CHCHD6: variants seen among roughly 807,000 people sequenced by gnomAD.
CHCHD6 encodes coiled-coil-helix-coiled-coil-helix domain containing 6.
A neutral mutation model predicts 32.3 loss-of-function variants in CHCHD6; 28 were observed. That is an observed-to-expected ratio of 0.87 (90% CI 0.64 to 1.19). CHCHD6 has a LOEUF of 1.19. Among genes scored for constraint, CHCHD6 ranks in the 50% most tolerant of loss-of-function variants. The pLI is 0.00. For synonymous variants in CHCHD6, 122 were observed against 117.5 expected (o/e 1.04, Z -0.25); for missense variants, 333 against 307.0 (o/e 1.08, Z -0.63).
chr3:126,754,893 G>A (rs932013438), intron 4 of CHCHD6, among the ~76,000 whole-genome samples: 1 of 152,180 alleles, frequency 6.6e-6, no homozygotes, highest in Non-Finnish European at 1.5e-5. Context: ...GAAGCTGATG[G>A]GCAGGAAGGG....
At chr3:126,741,701 TG>T (rs779880092) in intron 4 of CHCHD6, among the ~76,000 whole-genome samples, 1 of 152,184 alleles carries the variant, frequency 6.6e-6, no homozygotes, top group Non-Finnish European at 1.5e-5. Flanking sequence ...TCCTGGAATA[TG>T]TATTTCTAAC....
intron 5 of CHCHD6, among the ~76,000 whole-genome samples, chr3:126,861,612 CT>C (rs1941874097): frequency 6.6e-6 from 1 of 151,572 alleles, no homozygotes; most frequent in Non-Finnish European, 1.5e-5. Context: ...TTACCACCTC[CT>C]CCTCCACCAT....
At chr3:126,825,396 TG>T (rs1940345578) in intron 4 of CHCHD6, among the ~76,000 whole-genome samples, 1 of 152,204 alleles carries the variant, frequency 6.6e-6, no homozygotes, top group Non-Finnish European at 1.5e-5. Flanking sequence ...TTTTTACAGT[TG>T]TTGGTTGTAG....
chr3:126,931,916 T>G (rs1315584311), intron 6 of CHCHD6, among the ~76,000 whole-genome samples: 1 of 152,132 alleles, frequency 6.6e-6, no homozygotes, highest in East Asian at 1.9e-4. Context: ...CTCACCCCAT[T>G]TTTGTGATGA....
At chr3:126,746,656 A>G (rs1936515129) in intron 4 of CHCHD6, among the ~76,000 whole-genome samples, 1 of 152,180 alleles carries the variant, frequency 6.6e-6, no homozygotes, top group Non-Finnish European at 1.5e-5. Flanking sequence ...GGACATTAAT[A>G]GAAATACACC....
At chr3:126,812,906 C>G (rs1212054909) in intron 4 of CHCHD6, among the ~76,000 whole-genome samples, 1 of 152,122 alleles carries the variant, frequency 6.6e-6, no homozygotes, top group Non-Finnish European at 1.5e-5. Flanking sequence ...TGTGACTCAT[C>G]TTCACCCCAG....
chr3:126,803,756 A>G (rs1458476101), intron 4 of CHCHD6, among the ~76,000 whole-genome samples: 1 of 152,240 alleles, frequency 6.6e-6, no homozygotes, highest in Non-Finnish European at 1.5e-5. Context: ...TCAACGGAAT[A>G]TACATTTTTG....
chr3:126,773,424 G>A (rs1346629929), intron 4 of CHCHD6, among the ~76,000 whole-genome samples: 1 of 152,092 alleles, frequency 6.6e-6, no homozygotes, highest in African/African-American at 2.4e-5. Flanking sequence ...TCTCACGTTG[G>A]GAATGTGGCT....
chr3:126,801,915 C>CGG (rs1939097056), intron 4 of CHCHD6, among the ~76,000 whole-genome samples: 1 of 152,234 alleles, frequency 6.6e-6, no homozygotes, highest in African/African-American at 2.4e-5. Context: ...TGAAAATCCA[C>CGG]TGTTCTGCAG....
intron 4 of CHCHD6, among the ~76,000 whole-genome samples, chr3:126,779,599 C>G (rs986541644): frequency 6.8e-6 from 1 of 147,424 alleles, no homozygotes; most frequent in African/African-American, 2.5e-5. Context: ...TCTGTGATGT[C>G]TTTGGAGTTA....
At chr3:126,903,737 C>T (rs964542705) in intron 5 of CHCHD6, among the ~76,000 whole-genome samples, 9 of 152,186 alleles carry the variant, frequency 5.9e-5, no homozygotes, top group African/African-American at 1.2e-4. Context: ...GGAGTGATTA[C>T]GGCAGTAGAT....
intron 4 of CHCHD6, among the ~76,000 whole-genome samples, chr3:126,796,640 C>G (rs567640675): frequency 1.4e-4 from 22 of 152,188 alleles, no homozygotes; most frequent in Admixed American, 4.6e-4. Flanking sequence ...CAGGGAAGGC[C>G]TCTGTCAGCA....
chr3:126,812,202 A>C (rs1939684458), intron 4 of CHCHD6, among the ~76,000 whole-genome samples: 1 of 151,662 alleles, frequency 6.6e-6, no homozygotes, highest in African/African-American at 2.4e-5. Flanking sequence ...CTTATCCTGG[A>C]ATGTATTTGG....
chr3:126,798,238 T>A (rs1200477846), intron 4 of CHCHD6, among the ~76,000 whole-genome samples: 1 of 152,122 alleles, frequency 6.6e-6, no homozygotes, highest in East Asian at 1.9e-4. Context: ...AGATCTCCGC[T>A]TCATCTCCAA....
At chr3:126,762,142 AT>A (rs1262696672) in intron 4 of CHCHD6, among the ~76,000 whole-genome samples, 2 of 152,034 alleles carry the variant, frequency 1.3e-5, no homozygotes, top group African/African-American at 4.8e-5. Context: ...TCTCTGCTTC[AT>A]TTATCTCCAC....
At chr3:126,852,207 C>G (rs748944332) in intron 4 of CHCHD6, among the ~76,000 whole-genome samples, 4 of 152,184 alleles carry the variant, frequency 2.6e-5, no homozygotes, top group African/African-American at 7.2e-5. Context: ...GCACACCCAG[C>G]GGCCGGACAC....
intron 1 of CHCHD6, among the ~76,000 whole-genome samples, chr3:126,714,526 G>C (rs1934918353): frequency 6.6e-6 from 1 of 152,148 alleles, no homozygotes; most frequent in Non-Finnish European, 1.5e-5. Flanking sequence ...GGATCACGGG[G>C]TTGGGCAACA....
chr3:126,874,957 C>T (rs552502839), intron 5 of CHCHD6, among the ~76,000 whole-genome samples: 3 of 152,308 alleles, frequency 2.0e-5, no homozygotes, highest in East Asian at 1.9e-4. Flanking sequence ...GCACTTGGTA[C>T]ACCTTCAGGT....
At position 126,785,465 on chromosome 3, in the gene CHCHD6, A is replaced by G. The variant is rs1274843291; in HGVS notation, c.411+52243A>G. 3.9e-5 allele frequency among the ~76,000 whole-genome samples: 6 copies of G among 152,292 alleles called. No homozygotes were observed. In the East Asian group the frequency reaches 9.7e-4, roughly 25 times the overall value. ...GTCTGACAGTCACTCTTGCTCCCAT[A>G]GTCAAGGGAGAGCATAACACAGTGA... On this transcript the variant is annotated intron_variant, in intron 4 of 7. Coordinates refer to ENST00000290913, the MANE Select transcript of CHCHD6 (RefSeq NM_032343.3).
Sources: allele counts gnomAD v4.1 joint callset (sites outside exome capture counted in the v4.1 genomes callset), GRCh38; gene constraint gnomAD v4.1.1; transcripts MANE v1.5; gene names NCBI Gene and HGNC (gene_info 2026-07-23, HGNC 2026-07-21).